The following KCNIP4 variants were observed in gnomAD, a reference collection of about 807,000 sequenced individuals.
KCNIP4 encodes the protein Kv channel-interacting protein 4.
In KCNIP4, 12 loss-of-function variants were observed where a neutral mutation model predicts 34.0. That is an observed-to-expected ratio of 0.35 (90% CI 0.23 to 0.57). The LOEUF is 0.57. Among genes scored for constraint, KCNIP4 ranks in the 20% least tolerant of loss-of-function variants. The pLI is 0.83. For synonymous variants in KCNIP4, 124 were observed against 102.2 expected, an observed-to-expected ratio of 1.21 and a Z score of -1.29; for missense variants, 238 against 311.7, an observed-to-expected ratio of 0.76 and a Z score of 1.78.
At chr4:21,258,033 C>A (rs1761194290) in intron 1 of KCNIP4, among the ~76,000 whole-genome samples, 1 of 152,124 alleles carries the variant, frequency 6.6e-6, no homozygotes, top group South Asian at 2.1e-4. Flanking sequence ...CAAATATTTT[C>A]TCTTCTTTTA....
At chr4:20,952,817 C>T (rs1322114689) in intron 1 of KCNIP4, among the ~76,000 whole-genome samples, 1 of 152,152 alleles carries the variant, frequency 6.6e-6, no homozygotes, top group Middle Eastern at 3.2e-3. Context: ...TTATAAACAA[C>T]AGAATTTATT....
At chr4:21,194,638 T>C (rs1177791606) in intron 1 of KCNIP4, among the ~76,000 whole-genome samples, 4 of 152,194 alleles carry the variant, frequency 2.6e-5, no homozygotes, top group East Asian at 3.9e-4. Context: ...AGTGGCATAG[T>C]CTTTTTCCAA....
At chr4:21,431,604 C>T (rs1026427022) in intron 1 of KCNIP4, among the ~76,000 whole-genome samples, 1 of 151,932 alleles carries the variant, frequency 6.6e-6, no homozygotes, top group African/African-American at 2.4e-5. Context: ...CAGAAATTAT[C>T]CAGATAAGGT....
intron 1 of KCNIP4, among the ~76,000 whole-genome samples, chr4:21,725,539 G>A (rs764572843): frequency 8.5e-5 from 13 of 152,140 alleles, no homozygotes; most frequent in Non-Finnish European, 1.6e-4. Flanking sequence ...ATAGACATAA[G>A]CCTTCAGCTC....
chr4:20,794,838 A>G (rs1018979127), intron 3 of KCNIP4, among the ~76,000 whole-genome samples: 1 of 152,218 alleles, frequency 6.6e-6, no homozygotes, highest in African/African-American at 2.4e-5. Flanking sequence ...ACTGACCTGC[A>G]CATTCTCTAA....
chr4:21,907,152 T>C (rs1224873661), intron 1 of KCNIP4, among the ~76,000 whole-genome samples: 1 of 152,084 alleles, frequency 6.6e-6, no homozygotes, highest in Non-Finnish European at 1.5e-5. Context: ...TGGTGGGTTG[T>C]TGAGAGGTGA....
intron 1 of KCNIP4, among the ~76,000 whole-genome samples, chr4:21,445,774 G>A (rs1480136515): frequency 1.3e-5 from 2 of 152,094 alleles, no homozygotes; most frequent in Admixed American, 6.6e-5. Flanking sequence ...TTGACAAATG[G>A]GATCTAATTA....
At chr4:21,131,795 A>T (rs1751092361) in intron 1 of KCNIP4, among the ~76,000 whole-genome samples, 1 of 152,248 alleles carries the variant, frequency 6.6e-6, no homozygotes, top group Non-Finnish European at 1.5e-5. Flanking sequence ...TTCTGTATAT[A>T]CATTGTACTT....
At chr4:20,898,553 T>G (rs1726810053) in intron 1 of KCNIP4, among the ~76,000 whole-genome samples, 1 of 152,184 alleles carries the variant, frequency 6.6e-6, no homozygotes, top group Admixed American at 6.5e-5. Context: ...AAATGCACAA[T>G]GCACTTTAGT....
chr4:21,856,986 C>T (rs1724801508), intron 1 of KCNIP4, among the ~76,000 whole-genome samples: 1 of 152,166 alleles, frequency 6.6e-6, no homozygotes, highest in African/African-American at 2.4e-5. Context: ...CTGCTGGCAC[C>T]ACTCAGCACA....
intron 1 of KCNIP4, among the ~76,000 whole-genome samples, chr4:20,920,168 T>C (rs1729250680): frequency 6.6e-6 from 1 of 152,176 alleles, no homozygotes; most frequent in African/African-American, 2.4e-5. Flanking sequence ...CTAAGAGATA[T>C]GAGGGAGAAA....
chr4:20,939,241 A>G (rs929257733), intron 1 of KCNIP4, among the ~76,000 whole-genome samples: 2 of 151,916 alleles, frequency 1.3e-5, no homozygotes, highest in Non-Finnish European at 2.9e-5. Context: ...TTGCTTCCCA[A>G]CTCTACATTC....
chr4:20,887,112 T>C (rs1725398747), intron 1 of KCNIP4, among the ~76,000 whole-genome samples: 1 of 151,798 alleles, frequency 6.6e-6, no homozygotes, highest in African/African-American at 2.4e-5. Flanking sequence ...AAGAAAATTC[T>C]AAAAGGAAAA....
At chr4:21,691,434 G>A (rs1443618173) in intron 1 of KCNIP4, among the ~76,000 whole-genome samples, 2 of 152,068 alleles carry the variant, frequency 1.3e-5, no homozygotes, top group South Asian at 2.1e-4. Flanking sequence ...TTACCAGCTG[G>A]AGCATACACA....
chr4:21,786,389 T>G (rs915300817), intron 1 of KCNIP4, among the ~76,000 whole-genome samples: 9 of 152,232 alleles, frequency 5.9e-5, no homozygotes, highest in African/African-American at 2.2e-4. Context: ...AAGATTCTTA[T>G]CTCTCTCCAT....
intron 1 of KCNIP4, among the ~76,000 whole-genome samples, chr4:20,922,539 GTCTGTCTGTCTATCTATCTA>G (rs1204009401): frequency 4.5e-5 from 4 of 88,086 alleles, no homozygotes; most frequent in Admixed American, 2.6e-4. Context: ...CTGTCTGTCT[GTCTGTCTGTCTATCTATCTA>G]TCTATCTATC....
chr4:20,732,615 G>A, intron 7 of KCNIP4, 66 bp downstream of exon 7: 3 of 948,538 alleles, frequency 3.2e-6, no homozygotes, highest in African/African-American at 3.2e-5. Context: ...TCATCGTGGT[G>A]CATGGCAAAC....
intron 1 of KCNIP4, among the ~76,000 whole-genome samples, chr4:21,473,286 G>A (rs1730619957): frequency 6.6e-6 from 1 of 152,110 alleles, no homozygotes; most frequent in South Asian, 2.1e-4. Context: ...CTCAGTCAGG[G>A]AATACGGGGA....
intron 1 of KCNIP4, among the ~76,000 whole-genome samples, chr4:20,973,610 C>T (rs1735192120): frequency 6.6e-6 from 1 of 152,182 alleles, no homozygotes; most frequent in African/African-American, 2.4e-5. Flanking sequence ...TAGTGTTTGG[C>T]CAGTCTTGAC....
Sources: gnomAD v4.1 joint callset for allele counts (sites outside exome capture counted in the v4.1 genomes callset) on GRCh38, gnomAD v4.1.1 for gene constraint, MANE v1.5 for transcripts, NCBI Gene and HGNC (gene_info 2026-07-23, HGNC 2026-07-21) for gene names.